The following CHST11 variants were observed in gnomAD, a reference collection of about 807,000 sequenced individuals.
CHST11 encodes the protein C4S-1.
CHST11 carries 9 observed loss-of-function variants against 30.4 expected under a neutral mutation model. The observed-to-expected ratio is 0.30, with a 90% confidence interval of 0.18 to 0.52. CHST11 has a LOEUF of 0.52. Among genes scored for constraint, CHST11 ranks in the 20% least tolerant of loss-of-function variants. The probability of loss-of-function intolerance (pLI) is 0.97; values close to 1 mark genes in which losing one functional copy is unlikely to be tolerated. For missense variants in CHST11, 348 were observed against 460.6 expected (o/e 0.76, Z 2.24); for synonymous variants, 152 against 187.8 (o/e 0.81, Z 1.56).
rs889533179 is a variant in CHST11 at position 104,600,561 on chromosome 12, C to G, written c.119-1345C>G. 6.6e-6 allele frequency among the ~76,000 whole-genome samples: 1 copy of G among 152,164 alleles called. No individual in the cohort carries two copies. The highest frequency in any genetic ancestry group is 2.4e-5 in the African/African-American group (1 of 41,418). ...CATCCAACCCAGGAAGTTAGATGCC[C>G]CTGTCATTCCCATTTTACAGACAAA... On this transcript the variant is annotated intron_variant, in intron 1 of 2. Coordinates refer to ENST00000303694, the MANE Select transcript of CHST11 (RefSeq NM_018413.6). This position sits in a 1 kb window ranked among gnomAD's most constrained non-coding sequence, Gnocchi z 4.1.
intron 1 of CHST11, among the ~76,000 whole-genome samples, chr12:104,523,155 GA>G (rs2038089939): frequency 6.6e-6 from 1 of 152,258 alleles, no homozygotes; most frequent in Non-Finnish European, 1.5e-5. Context: ...TTCAGATGCA[GA>G]AACTTATCTC....
chr12:104,629,692 C>T (rs1343136940), intron 2 of CHST11, among the ~76,000 whole-genome samples: 2 of 152,048 alleles, frequency 1.3e-5, no homozygotes, highest in African/African-American at 2.4e-5. Flanking sequence ...TGTGGTGGCA[C>T]GCACCTGTAA....
At chr12:104,586,771 G>A (rs1476361810) in intron 1 of CHST11, among the ~76,000 whole-genome samples, 4 of 152,224 alleles carry the variant, frequency 2.6e-5, no homozygotes, top group African/African-American at 9.6e-5. Flanking sequence ...TAAATGCAAA[G>A]TAAACGTATA....
At chr12:104,716,490 GT>G (rs2040132271) in intron 2 of CHST11, among the ~76,000 whole-genome samples, 1 of 152,240 alleles carries the variant, frequency 6.6e-6, no homozygotes, top group African/African-American at 2.4e-5. Flanking sequence ...CATGCACGTA[GT>G]AAGTACAGAA....
intron 2 of CHST11, among the ~76,000 whole-genome samples, chr12:104,641,677 A>G (rs2039378445): frequency 6.6e-6 from 1 of 152,182 alleles, no homozygotes. Flanking sequence ...CTGTCAACCT[A>G]AAACTGCTCA....
At chr12:104,514,505 G>A (rs2038002110) in intron 1 of CHST11, 1 of 644,854 alleles carries the variant, frequency 1.6e-6, no homozygotes, top group Non-Finnish European at 2.8e-6. Context: ...GTGCTGGGAT[G>A]TGCTAAGCTT....
chr12:104,464,168 A>G (rs1195975357), intron 1 of CHST11, among the ~76,000 whole-genome samples: 3 of 151,440 alleles, frequency 2.0e-5, no homozygotes, highest in African/African-American at 7.3e-5. Flanking sequence ...CCTGGGCCCA[A>G]GCAATTCTCC....
At chr12:104,540,593 C>T (rs1363114373) in intron 1 of CHST11, among the ~76,000 whole-genome samples, 1 of 152,240 alleles carries the variant, frequency 6.6e-6, no homozygotes, top group East Asian at 1.9e-4. Context: ...TCCTGTACTC[C>T]TCCACCCTCA....
At chr12:104,619,406 C>A (rs1464294705) in intron 2 of CHST11, among the ~76,000 whole-genome samples, 1 of 152,130 alleles carries the variant, frequency 6.6e-6, no homozygotes, top group African/African-American at 2.4e-5. Flanking sequence ...TAGGAGGCTG[C>A]TTTTAGATGT....
intron 1 of CHST11, among the ~76,000 whole-genome samples, chr12:104,596,354 G>A (rs185639498): frequency 2.6e-5 from 4 of 152,328 alleles, no homozygotes; most frequent in Admixed American, 2.0e-4. Context: ...GAAAGTGTCC[G>A]AAGTCAACCG....
chr12:104,578,357 A>T (rs978694412), intron 1 of CHST11, among the ~76,000 whole-genome samples: 9 of 152,176 alleles, frequency 5.9e-5, no homozygotes, highest in African/African-American at 2.2e-4. Flanking sequence ...CCTGAATTGA[A>T]TATTCTTCCG....
chr12:104,528,128 A>G (rs2038146740), intron 1 of CHST11, among the ~76,000 whole-genome samples: 1 of 152,212 alleles, frequency 6.6e-6, no homozygotes, highest in South Asian at 2.1e-4. Flanking sequence ...TCATACAGGT[A>G]TGTCCCAGAT....
intron 1 of CHST11, among the ~76,000 whole-genome samples, chr12:104,585,023 G>A (rs1433436372): frequency 1.3e-5 from 2 of 152,132 alleles, no homozygotes; most frequent in Non-Finnish European, 2.9e-5. Context: ...AAAATAATGC[G>A]AATGAACAAT....
chr12:104,521,814 G>A (rs780380695), intron 1 of CHST11, among the ~76,000 whole-genome samples: 7 of 152,192 alleles, frequency 4.6e-5, no homozygotes, highest in Non-Finnish European at 1.0e-4. Context: ...TCTGTCCCCA[G>A]CCTGGTGAGT....
rs190397471 is a variant in CHST11 at position 104,609,648 on chromosome 12, T to C, written c.204+7657T>C. ...TATGACCTGGGGCAGTCACTTACCC[T>C]GTTCAAGCCTTGGTTATCTGTAAAA... On this transcript the variant is annotated intron_variant, in intron 2 of 2. Coordinates refer to ENST00000303694, the MANE Select transcript of CHST11 (RefSeq NM_018413.6). 9.2e-5 allele frequency among the ~76,000 whole-genome samples: 14 copies of C among 152,266 alleles called. No homozygotes were observed. The East Asian group carries it at 2.7e-3, about 29-fold the overall frequency.
chr12:104,666,192 T>C (rs1420333200), intron 2 of CHST11, among the ~76,000 whole-genome samples: 1 of 152,204 alleles, frequency 6.6e-6, no homozygotes, highest in East Asian at 1.9e-4. Context: ...TTGCTACTAA[T>C]TGCAAGTTCT....
chr12:104,551,555 T>C (rs1240618550), intron 1 of CHST11, among the ~76,000 whole-genome samples: 1 of 152,136 alleles, frequency 6.6e-6, no homozygotes, highest in Non-Finnish European at 1.5e-5. Flanking sequence ...CCTCCTCCTT[T>C]CCGACTTGCG....
intron 2 of CHST11, among the ~76,000 whole-genome samples, chr12:104,734,053 C>T (rs572162836): frequency 1.8e-4 from 27 of 152,354 alleles, no homozygotes; most frequent in African/African-American, 6.0e-4. Flanking sequence ...CACTGCTCCT[C>T]CAAAGAAGGC....
chr12:104,653,774 G>A (rs753024696), intron 2 of CHST11, among the ~76,000 whole-genome samples: 2 of 152,112 alleles, frequency 1.3e-5, no homozygotes, highest in East Asian at 3.8e-4. Context: ...ACGGAGGCTC[G>A]AGGAGATTAA....
Sources: gnomAD v4.1 joint callset for allele counts (sites outside exome capture counted in the v4.1 genomes callset) on GRCh38, gnomAD v4.1.1 for gene constraint, Gnocchi (gnomAD v3.1) non-coding constraint, MANE v1.5 for transcripts, NCBI Gene and HGNC (gene_info 2026-07-23, HGNC 2026-07-21) for gene names.